REST: variants seen among roughly 807,000 people sequenced by gnomAD.
REST encodes the protein RE1 silencing transcription factor.
REST carries 1 observed loss-of-function variant against 30.4 expected under a neutral mutation model. The observed-to-expected ratio is 0.03, with a 90% CI of 0.01 to 0.16. The LOEUF (loss-of-function observed/expected upper bound fraction) is 0.16. Ranked by LOEUF, REST falls within the 10% of genes least tolerant of loss-of-function variation. The pLI is 1.00. For missense variants in REST, 1,259 were observed against 1,329.5 expected (o/e 0.95, Z 0.82); for synonymous variants, 504 against 451.1 (o/e 1.12, Z -1.49).
In REST at chr4:56,931,271, C is replaced by G. The variant is rs767066151; in HGVS notation, c.2413C>G (p.Leu805Val). Residue 805 changes from leucine (L) to valine (V), a missense_variant, in exon 4 of 4, where the codon CTT becomes GTT. Around this residue, in one of 5 missense-constraint regions of REST, gnomAD observed 856 missense variants for 772.8 expected, o/e 1.11. Transcript: ENST00000309042. ...REPPPPREPP[L>V]HMEPISKKPP... ...GCCACCTCCTCCCAGAGAGCCTCCC[C>G]TTCACATGGAGCCAATTTCCAAAAA... The G allele has an allele frequency of 1.4e-5, 22 of 1,614,110 alleles. No individual in the cohort carries two copies. In the Admixed American group the frequency reaches 3.2e-4, roughly 23 times the overall value.
rs776891408 is a variant in REST, at chr4:56,935,246, G to T, written c.*3094G>T. On this transcript the variant is annotated 3_prime_UTR_variant, in exon 4 of 4. Transcript: ENST00000309042. ...TTGCCTGTAGTATACTGTCACTTCTGGATTGATAAGCTGAGGAAGAAAGTT... is the reference window on the plus strand; with the variant it reads ...TTGCCTGTAGTATACTGTCACTTCTTGATTGATAAGCTGAGGAAGAAAGTT... The T allele has an allele frequency of 6.6e-6, 1 of 152,072 alleles. No individual in the cohort carries two copies. 9.4% of individuals were successfully genotyped at this position (152,072 alleles called of 1,614,324 possible). A position where few individuals can be genotyped will look rare whatever the true frequency, so the allele number is the denominator to read the frequency against.
chr4:56,908,666 C>T (rs992255778), intron 1 of REST, among the ~76,000 whole-genome samples: 10 of 152,112 alleles, frequency 6.6e-5, no homozygotes, highest in African/African-American at 2.2e-4. Context: ...CTCCCTGTCG[C>T]CGGAAGGCGC....
intron 2 of REST, among the ~76,000 whole-genome samples, chr4:56,915,167 C>T (rs1720132035): frequency 1.3e-5 from 2 of 150,794 alleles, no homozygotes; most frequent in African/African-American, 2.4e-5. Context: ...AAGTGATCCA[C>T]CCGCCGCGGC....
intron 3 of REST, among the ~76,000 whole-genome samples, chr4:56,926,365 G>T (rs550253246): frequency 6.6e-6 from 1 of 151,498 alleles, no homozygotes; most frequent in Admixed American, 6.6e-5. Flanking sequence ...GAGCCACTGC[G>T]CCCAGCCTTT....
intron 3 of REST, among the ~76,000 whole-genome samples, chr4:56,924,039 A>C (rs13108245): frequency 6.6e-6 from 1 of 151,626 alleles, no homozygotes; most frequent in East Asian, 2.0e-4. Flanking sequence ...ATTTCTTTCT[A>C]TGGAGACTGG....
intron 3 of REST, among the ~76,000 whole-genome samples, chr4:56,925,686 T>C (rs1355130096): frequency 6.6e-6 from 1 of 152,226 alleles, no homozygotes; most frequent in Non-Finnish European, 1.5e-5. Context: ...AAATTGTTTG[T>C]ACAGGGCAAA....
Position 56,935,136 on chromosome 4 carries a change from T to A in REST, c.*2984T>A, listed in dbSNP as rs1156930906. 1.3e-5 allele frequency: 2 copies of A among 152,186 alleles called. No homozygotes were observed. The highest frequency in any genetic ancestry group is 2.9e-5 in the Non-Finnish European group (2 of 68,032). 9.4% of individuals were successfully genotyped at this position (152,186 alleles called of 1,614,324 possible). A position where few individuals can be genotyped will look rare whatever the true frequency, so the allele number is the denominator to read the frequency against. ...GTGGTAATTAACTTTGGAGACTGTT[T>A]TGCGTATGAGTGCTGATACAAATTA... is the stretch of plus-strand genomic sequence containing the variant. On this transcript the variant is annotated 3_prime_UTR_variant, in exon 4 of 4. Transcript: ENST00000309042.
chr4:56,932,173 C>G lies in REST; in HGVS notation c.*21C>G. On this transcript the variant is annotated 3_prime_UTR_variant, in exon 4 of 4. Transcript: ENST00000309042. Reference sequence around the variant, plus strand: ...AGTAATGAAACTTTGAACAAGGTTTCAGTTCTTAGTTTGTAAGGTATATTA... The same window carrying G: ...AGTAATGAAACTTTGAACAAGGTTTGAGTTCTTAGTTTGTAAGGTATATTA... 6.3e-7 allele frequency: 1 copy of G among 1,578,696 alleles called. No individual in the cohort carries two copies. Among genetic ancestry groups the G allele is most frequent in the Non-Finnish European group, 8.6e-7 (1 of 1,163,602 alleles).
Position 56,911,360 on chromosome 4 carries a change from C to G in REST, c.722C>G (p.Ala241Gly). Residue 241 changes from alanine to glycine, a missense_variant, in exon 2 of 4, where the codon GCT becomes GGT. Physicochemically the swap from Ala to Gly is moderately conservative, Grantham distance 60. This residue lies in a region of REST where 125 missense variants were observed against 255.4 expected (regional missense o/e 0.49). Transcript: ENST00000309042. The stretch of plus-strand genomic sequence containing the variant: ...GCACACCTGAAACACCACACCAGAG[C>G]TGGGGATAATGAGCGAGTCTACAAG... Reference protein sequence around the residue: ...YTAHLKHHTRAGDNERVYKCI... With the variant: ...YTAHLKHHTRGGDNERVYKCI... 1 of 1,614,172 alleles carries G rather than the reference C, an allele frequency of 6.2e-7. No individual in the cohort carries two copies. Among genetic ancestry groups the G allele is most frequent in the South Asian group, 1.1e-5 (1 of 91,074 alleles).
chr4:56,927,731 A>C (rs962475138), intron 3 of REST: 1 of 657,810 alleles, frequency 1.5e-6, no homozygotes, highest in African/African-American at 2.0e-5. Context: ...CTGGTTTTTT[A>C]TGTATCAGTG....
chr4:56,932,703 T>A lies in REST; in HGVS notation c.*551T>A, dbSNP rs1721019131. 1 of 152,232 alleles carries A rather than the reference T, an allele frequency of 6.6e-6. No individual in the cohort carries two copies. Among genetic ancestry groups the A allele is most frequent in the Non-Finnish European group, 1.5e-5 (1 of 68,050 alleles). 9.4% of individuals were successfully genotyped at this position (152,232 alleles called of 1,614,324 possible). A position where few individuals can be genotyped will look rare whatever the true frequency, so the allele number is the denominator to read the frequency against. ...AGTTTTGATCAATATTTTTTATTTG[T>A]GTATGTTAATCGTCATAAAAACAGT... is the stretch of plus-strand genomic sequence containing the variant. On this transcript the variant is annotated 3_prime_UTR_variant, in exon 4 of 4. Coordinates refer to ENST00000309042, the MANE Select transcript of REST (RefSeq NM_005612.5).
At chr4:56,929,211 G>T (rs975706489) in intron 3 of REST, among the ~76,000 whole-genome samples, 1 of 151,896 alleles carries the variant, frequency 6.6e-6, no homozygotes, top group South Asian at 2.1e-4. Flanking sequence ...GGGATTACTG[G>T]TGTGCAACAC....
intron 2 of REST, among the ~76,000 whole-genome samples, chr4:56,915,288 C>T (rs1720143694): frequency 7.9e-6 from 1 of 126,572 alleles, no homozygotes; most frequent in Non-Finnish European, 1.6e-5. Flanking sequence ...CTCTGTTGCT[C>T]AGGCTGGAGT....
At position 56,932,039 on chromosome 4, in the gene REST, G is replaced by A. The variant is rs757974590; in HGVS notation, c.3181G>A (p.Val1061Ile). 4 of 1,614,064 alleles carry A rather than the reference G, an allele frequency of 2.5e-6. No homozygotes were observed. The East Asian group carries it at 8.9e-5, about 36-fold the overall frequency. The change falls in exon 4 of 4, where the codon GTT (valine) becomes ATT (isoleucine). Residue 1061 changes from valine (V) to isoleucine (I), a missense_variant. Val to Ile is a conservative substitution (Grantham distance 29). Around this residue, in one of 5 missense-constraint regions of REST, gnomAD observed 4 missense variants for 16.5 expected, o/e 0.24. Transcript: ENST00000309042. ...AGTCAAAGCGGCTAAGGGAGATTTT[G>A]TTTGTATCTTCTGTGATCGTTCTTT... ...LAVKAAKGDF[V>I]CIFCDRSFRK...
chr4:56,915,730 G>T (rs1720166732), intron 2 of REST, among the ~76,000 whole-genome samples: 1 of 152,118 alleles, frequency 6.6e-6, no homozygotes, highest in East Asian at 1.9e-4. Flanking sequence ...TAGTGTTCAG[G>T]AATTACTTCT....
chr4:56,909,857 G>T (rs1188129852), intron 1 of REST, among the ~76,000 whole-genome samples: 1 of 152,182 alleles, frequency 6.6e-6, no homozygotes, highest in Non-Finnish European at 1.5e-5. Flanking sequence ...TTGTCGAGTT[G>T]AGTTGCACGA....
At position 56,930,210 on chromosome 4, in the gene REST, C is replaced by G. The variant is rs1560451450; in HGVS notation, c.1352C>G (p.Thr451Arg). ...AATGAAAAAACAGAAATAGAACAAA[C>G]AAAAATAAAAGGGGATGTGGCTGGA... Reference protein sequence around the residue: ...ITNEKTEIEQTKIKGDVAGKK... With the variant: ...ITNEKTEIEQRKIKGDVAGKK... Residue 451 changes from threonine to arginine, a missense_variant, in exon 4 of 4, where the codon ACA becomes AGA. Around this residue, in one of 5 missense-constraint regions of REST, gnomAD observed 856 missense variants for 772.8 expected, o/e 1.11. Coordinates refer to ENST00000309042, the MANE Select transcript of REST (RefSeq NM_005612.5). The G allele has an allele frequency of 6.2e-7, 1 of 1,605,756 alleles. No individual in the cohort carries two copies. Among genetic ancestry groups the G allele is most frequent in the Non-Finnish European group, 8.5e-7 (1 of 1,178,180 alleles).
At position 56,910,657 on chromosome 4, in the gene REST, G is replaced by T; in HGVS notation, c.19G>T (p.Gly7Trp). MATQVM[G>W]QSSGGGGLFT... ...TACAGTTATGGCCACCCAGGTAATG[G>T]GGCAGTCTTCTGGAGGAGGAGGGCT... The change falls in exon 2 of 4, where the codon GGG (glycine) becomes TGG (tryptophan). Residue 7 changes from glycine (G) to tryptophan (W), a missense_variant. Physicochemically the swap from Gly to Trp is radical, Grantham distance 184. Coordinates refer to ENST00000309042, the MANE Select transcript of REST (RefSeq NM_005612.5). 1 of 1,611,084 alleles carries T rather than the reference G, an allele frequency of 6.2e-7. No individual in the cohort carries two copies. The highest frequency in any genetic ancestry group is 1.1e-5 in the South Asian group (1 of 91,000).
rs1720896799 is a variant in REST at position 56,930,173 on chromosome 4, G to A, written c.1315G>A (p.Asp439Asn). Residue 439 changes from aspartate (D) to asparagine (N), a missense_variant, in exon 4 of 4, where the codon GAT (aspartate) becomes AAT (asparagine). Around this residue, in one of 5 missense-constraint regions of REST, gnomAD observed 856 missense variants for 772.8 expected, o/e 1.11. Coordinates refer to ENST00000309042, the MANE Select transcript of REST (RefSeq NM_005612.5). ...KTKKREADLP[D>N]NITNEKTEIE... is the part of the protein sequence containing the mutation. ...CAAAAAACGAGAGGCTGACTTGCCT[G>A]ATAATATTACCAATGAAAAAACAGA... The A allele has an allele frequency of 6.2e-7, 1 of 1,611,844 alleles. No individual in the cohort carries two copies. Among genetic ancestry groups the A allele is most frequent in the Non-Finnish European group, 8.5e-7 (1 of 1,179,604 alleles).
Sources: gnomAD v4.1 joint callset for allele counts (sites outside exome capture counted in the v4.1 genomes callset) on GRCh38, gnomAD v4.1.1 for gene constraint, gnomAD v4.1.1 regional missense constraint, MANE v1.5 for transcripts, NCBI Gene and HGNC (gene_info 2026-07-23, HGNC 2026-07-21) for gene names.